Variants in CDC42BPB observed in about 807,000 individuals in gnomAD.
The protein encoded by CDC42BPB is CDC42 binding protein kinase beta.
In CDC42BPB, 37 loss-of-function variants were observed where a neutral mutation model predicts 214.9. The ratio of observed to expected loss-of-function variants is 0.17; its 90% CI spans 0.13 to 0.23. CDC42BPB has a LOEUF of 0.23. Ranked by LOEUF, CDC42BPB falls within the 10% of genes least tolerant of loss-of-function variation. The probability of loss-of-function intolerance (pLI) is 1.00; values close to 1 mark genes in which losing one functional copy is unlikely to be tolerated. For missense variants in CDC42BPB, 1,694 were observed against 2,227.0 expected (o/e 0.76, Z 4.82); for synonymous variants, 931 against 884.0 (o/e 1.05, Z -0.94).
At chr14:103,055,815 G>A (rs1029853457) in intron 1 of CDC42BPB, among the ~76,000 whole-genome samples, 1 of 152,232 alleles carries the variant, frequency 6.6e-6, no homozygotes, top group Non-Finnish European at 1.5e-5. Context: ...CCTCACTGTG[G>A]AACACTTTCA....
chr14:102,944,483 G>C lies in CDC42BPB; in HGVS notation c.3816C>G (p.Ile1272Met), dbSNP rs770015832. 2.5e-6 allele frequency: 4 copies of C among 1,609,394 alleles called. No homozygotes were observed. Among genetic ancestry groups the C allele is most frequent in the South Asian group, 1.1e-5 (1 of 90,858 alleles). ...LYVIEVTRDV[I>M]VRAADCKKVH... The stretch of plus-strand genomic sequence containing the variant: ...CCTTCTTACAGTCAGCGGCACGGAC[G>C]ATCACTGTGGCAAGGAGGACAAGAG... The change falls in exon 30 of 37, where the codon ATC becomes ATG. Residue 1272 changes from isoleucine to methionine, a missense_variant. Ile to Met is a conservative substitution (Grantham distance 10). This residue lies in a region of CDC42BPB where 567 missense variants were observed against 790.3 expected (regional missense o/e 0.72). Coordinates refer to ENST00000361246, the MANE Select transcript of CDC42BPB (RefSeq NM_006035.4). The surrounding 1 kb of genome is among the most constrained non-coding windows in gnomAD (Gnocchi z 6.6).
At chr14:102,981,095 G>A in intron 7 of CDC42BPB, 74 bp from the exon 8 acceptor site, 1 of 1,584,298 alleles carries the variant, frequency 6.3e-7, no homozygotes, top group Non-Finnish European at 8.6e-7. Context: ...GATATGATAG[G>A]AAACAAAGTA....
intron 1 of CDC42BPB, among the ~76,000 whole-genome samples, chr14:103,051,154 C>CGGGGGGG (rs1179516926): frequency 1.0e-3 from 7 of 6,840 alleles, no homozygotes; most frequent in African/African-American, 3.2e-3. Flanking sequence ...GTATTTGGGG[C>CGGGGGGG]GGGGGGGCGG....
intron 24 of CDC42BPB, 150 bp from the exon 25 acceptor site, chr14:102,950,752 G>T (rs1566850982): frequency 1.6e-6 from 2 of 1,287,540 alleles, no homozygotes; most frequent in Non-Finnish European, 2.0e-6. Context: ...GACCACTTGA[G>T]GTCAGCAGTT....
intron 34 of CDC42BPB, among the ~76,000 whole-genome samples, chr14:102,938,940 A>AT (rs528691728): frequency 2.3e-3 from 281 of 121,280 alleles, no homozygotes; most frequent in Non-Finnish European, 2.5e-3. Context: ...AAAATACATA[A>AT]TTTTTTTTTT....
At chr14:102,947,839 C>G (rs777115495) in intron 26 of CDC42BPB, 37 bp from the exon 27 acceptor site, 1 of 1,610,314 alleles carries the variant, frequency 6.2e-7, no homozygotes, top group African/African-American at 1.3e-5. Flanking sequence ...CTGGGAGACA[C>G]GCGCACAGGA....
chr14:102,969,786 CT>C (rs1458125660), intron 14 of CDC42BPB, among the ~76,000 whole-genome samples: 2 of 152,200 alleles, frequency 1.3e-5, no homozygotes, highest in African/African-American at 4.8e-5. Context: ...AGGCTACGGG[CT>C]TTAAGGAGCT....
intron 1 of CDC42BPB, among the ~76,000 whole-genome samples, chr14:103,020,833 T>C (rs1472431241): frequency 6.6e-6 from 1 of 152,256 alleles, no homozygotes; most frequent in Non-Finnish European, 1.5e-5. Context: ...GGAAGATTAG[T>C]ACCTATCACA....
In CDC42BPB at chr14:102,943,688, T is replaced by C; in HGVS notation, c.4408+203A>G. ...GCCCCATGTGCTCAGGGAGAGAGGT[T>C]GCTGAGCCCGCCTACTGCTGGTCTG... On this transcript the variant is annotated intron_variant, in intron 30 of 36. Transcript: ENST00000361246. This position sits in a 1 kb window ranked among gnomAD's most constrained non-coding sequence, Gnocchi z 4.6. The C allele has an allele frequency of 1.8e-6, 1 of 570,866 alleles. No homozygotes were observed. The highest frequency in any genetic ancestry group is 3.1e-6 in the Non-Finnish European group (1 of 326,196). The allele number at this position is 570,866 out of a possible 1,614,324, so 35.4% of individuals were successfully genotyped here.
chr14:103,039,685 G>C (rs1266741275), intron 1 of CDC42BPB, among the ~76,000 whole-genome samples: 3 of 152,096 alleles, frequency 2.0e-5, no homozygotes, highest in South Asian at 2.1e-4. Context: ...AAGGCTACAC[G>C]CTTTCTCCCT....
intron 21 of CDC42BPB, among the ~76,000 whole-genome samples, chr14:102,958,816 A>C (rs912621582): frequency 2.0e-5 from 3 of 151,752 alleles, no homozygotes; most frequent in African/African-American, 7.3e-5. Flanking sequence ...AACACAACTA[A>C]AGTATTTTTA....
chr14:103,022,821 GAAC>G (rs1886845526), intron 1 of CDC42BPB, among the ~76,000 whole-genome samples: 1 of 152,214 alleles, frequency 6.6e-6, no homozygotes, highest in South Asian at 2.1e-4. Context: ...TCCTTGAAAC[GAAC>G]ATTATTGGTG....
chr14:103,057,127 T>G lies in CDC42BPB; in HGVS notation c.47A>C (p.Asp16Ala). The change falls in exon 1 of 37, where the codon GAC becomes GCC. Residue 16 changes from aspartate to alanine, a missense_variant. By Grantham distance (126) the Asp-to-Ala change is moderately radical. Around this residue, in one of 7 missense-constraint regions of CDC42BPB, gnomAD observed 83 missense variants for 79.9 expected, o/e 1.04. Transcript: ENST00000361246. Reference protein sequence around the residue: ...RLKKLEQLLLDGPWRNESALS... With the variant: ...RLKKLEQLLLAGPWRNESALS... Reference sequence around the variant, plus strand: ...GGCGCTCTCGTTGCGCCAGGGCCCGTCCAGGAGCAGCTGCTCCAGCTTCTT... The same window carrying G: ...GGCGCTCTCGTTGCGCCAGGGCCCGGCCAGGAGCAGCTGCTCCAGCTTCTT... 6.6e-7 allele frequency: 1 copy of G among 1,512,670 alleles called. No homozygotes were observed. The highest frequency in any genetic ancestry group is 8.8e-7 in the Non-Finnish European group (1 of 1,136,332). The allele number at this position is 1,512,670 out of a possible 1,614,324, so 93.7% of individuals were successfully genotyped here. A position where few individuals can be genotyped will look rare whatever the true frequency, so the allele number is the denominator to read the frequency against.
At chr14:102,970,452 T>G in intron 13 of CDC42BPB, 191 bp from the exon 14 acceptor site, 3 of 844,246 alleles carry the variant, frequency 3.6e-6, no homozygotes, top group Non-Finnish European at 4.3e-6. Flanking sequence ...GGTTGGTTAC[T>G]AATAAAACAA....
chr14:102,996,827 A>AC (rs369087723), intron 5 of CDC42BPB, among the ~76,000 whole-genome samples: 3 of 151,530 alleles, frequency 2.0e-5, no homozygotes, highest in Non-Finnish European at 4.4e-5. Flanking sequence ...AAAAAAAAAA[A>AC]CAACCTATAC....
At chr14:102,992,292 A>G (rs578040186) in intron 5 of CDC42BPB, among the ~76,000 whole-genome samples, 62 of 152,318 alleles carry the variant, frequency 4.1e-4, no homozygotes, top group African/African-American at 1.4e-3. Flanking sequence ...ACTGAAATGG[A>G]CTTTAAAGTT....
rs564771111 is a variant in CDC42BPB, at chr14:102,969,826, G to C, written c.1995+325C>G. Among the ~76,000 whole-genome samples, 20 of 152,382 alleles carry C rather than the reference G, an allele frequency of 1.3e-4. No individual in the cohort carries two copies. The South Asian group carries it at 2.9e-3, about 22-fold the overall frequency. On this transcript the variant is annotated intron_variant, in intron 14 of 36. Transcript: ENST00000361246. ...CCAAAACTCAACTGCACCGAATTTA[G>C]AATACCACGATGTGAAGAAGGCTAT...
chr14:102,956,634 G>A (rs796088866), intron 21 of CDC42BPB, among the ~76,000 whole-genome samples: 4 of 151,710 alleles, frequency 2.6e-5, no homozygotes, highest in African/African-American at 7.3e-5. Flanking sequence ...GTTTGAGACC[G>A]GTCTGGGCAA....
chr14:103,039,532 A>G (rs1887864525), intron 1 of CDC42BPB, among the ~76,000 whole-genome samples: 2 of 152,186 alleles, frequency 1.3e-5, no homozygotes, highest in Admixed American at 6.6e-5. Flanking sequence ...CCACACAACT[A>G]TCTCAATGGA....
Sources: allele counts gnomAD v4.1 joint callset (sites outside exome capture counted in the v4.1 genomes callset), GRCh38; gene constraint gnomAD v4.1.1; regional missense constraint gnomAD v4.1.1; non-coding constraint Gnocchi (gnomAD v3.1); transcripts MANE v1.5; gene names NCBI Gene and HGNC (gene_info 2026-07-23, HGNC 2026-07-21).